LOXL1: variants seen among roughly 807,000 people sequenced by gnomAD.
LOXL1 encodes lysyl oxidase like 1, also known as lysyl oxidase homolog 1.
In LOXL1, 31 loss-of-function variants were observed where a neutral mutation model predicts 62.2. That is an observed-to-expected ratio of 0.50 (90% confidence interval 0.37 to 0.67). The LOEUF is 0.67. Among genes scored for constraint, LOXL1 ranks in the 30% least tolerant of loss-of-function variants. The pLI is 0.00. For synonymous variants in LOXL1, 403 were observed against 384.4 expected, an observed-to-expected ratio of 1.05 and a Z score of -0.56; for missense variants, 775 against 843.4, an observed-to-expected ratio of 0.92 and a Z score of 1.00.
chr15:73,941,052 G>A (rs921628868), intron 1 of LOXL1, among the ~76,000 whole-genome samples: 7 of 152,162 alleles, frequency 4.6e-5, no homozygotes, highest in Non-Finnish European at 7.4e-5. Flanking sequence ...CTGAGGGAAA[G>A]GCACTGGGTG....
intron 2 of LOXL1, among the ~76,000 whole-genome samples, chr15:73,944,857 C>G (rs182772606): frequency 6.6e-6 from 1 of 152,326 alleles, no homozygotes; most frequent in East Asian, 1.9e-4. Flanking sequence ...AGGCTGAGGG[C>G]CTTTCATCCT....
chr15:73,934,280 T>C (rs1343224411), intron 1 of LOXL1, among the ~76,000 whole-genome samples: 1 of 152,128 alleles, frequency 6.6e-6, no homozygotes, highest in African/African-American at 2.4e-5. Context: ...TTTTATGGAG[T>C]ATGGGCATTG....
At chr15:73,939,551 C>T (rs1364373843) in intron 1 of LOXL1, among the ~76,000 whole-genome samples, 1 of 152,176 alleles carries the variant, frequency 6.6e-6, no homozygotes, top group Non-Finnish European at 1.5e-5. Context: ...CTAGAAAAGG[C>T]ATAACTAATC....
In LOXL1 at chr15:73,926,514, T is replaced by C. The variant is rs1333105345; in HGVS notation, c.-270T>C. ...CGGCCAGCCAGTGCGGGGCTGGCCA[T>C]GTAAGGCCCACAGGCGGTCCTGCCC... On this transcript the variant is annotated 5_prime_UTR_variant, in exon 1 of 7. It removes an upstream start codon present in the reference 5' UTR. Coordinates refer to ENST00000261921, the MANE Select transcript of LOXL1 (RefSeq NM_005576.4). The C allele has an allele frequency of 5.5e-6, 2 of 360,618 alleles. No homozygotes were observed. Among genetic ancestry groups the C allele is most frequent in the Non-Finnish European group, 9.9e-6 (2 of 201,988 alleles). The allele number at this position is 360,618 out of a possible 1,614,324, so 22.3% of individuals were successfully genotyped here. A position where few individuals can be genotyped will look rare whatever the true frequency, so the allele number is the denominator to read the frequency against.
At position 73,927,760 on chromosome 15, in the gene LOXL1, C is replaced by A. The variant is rs1295083917; in HGVS notation, c.977C>A (p.Ala326Glu). 15 of 1,444,796 alleles carry A rather than the reference C, an allele frequency of 1.0e-5. No homozygotes were observed. The highest frequency in any genetic ancestry group is 1.3e-5 in the Non-Finnish European group (14 of 1,104,896). 89.5% of individuals were successfully genotyped at this position (1,444,796 alleles called of 1,614,324 possible). A position where few individuals can be genotyped will look rare whatever the true frequency, so the allele number is the denominator to read the frequency against. ...CCCGAGGCGTACGGGCCGCCGCGCG[C>A]GCTGGAGCCGCCCTACCTGCCGGTG... ...PPPEAYGPPRALEPPYLPVRS... is the reference protein window; with the variant it reads ...PPPEAYGPPRELEPPYLPVRS... Residue 326 changes from alanine (A) to glutamate (E), a missense_variant, in exon 1 of 7, where the codon GCG becomes GAG. Coordinates refer to ENST00000261921, the MANE Select transcript of LOXL1 (RefSeq NM_005576.4).
rs1441229721 is a variant in LOXL1, at chr15:73,926,993, G to A, written c.210G>A (p.Glu70=). 6.7e-7 allele frequency: 1 copy of A among 1,486,350 alleles called. No individual in the cohort carries two copies. Among genetic ancestry groups the A allele is most frequent in the Non-Finnish European group, 9.0e-7 (1 of 1,111,960 alleles). 92.1% of individuals were successfully genotyped at this position (1,486,350 alleles called of 1,614,324 possible). A position where few individuals can be genotyped will look rare whatever the true frequency, so the allele number is the denominator to read the frequency against. Residue 70 remains glutamate (E), a synonymous_variant, in exon 1 of 7, where the codon GAG becomes GAA. Transcript: ENST00000261921. ...TGCCGGCCGGACCTCAGCGCTCCGA[G>A]AGTAGCTCCCGGGTGCTGCTGGCCG... ...EYVPAGPQRS[E]SSSRVLLAGA...
At chr15:73,935,898 G>C (rs2068667417) in intron 1 of LOXL1, among the ~76,000 whole-genome samples, 1 of 151,586 alleles carries the variant, frequency 6.6e-6, no homozygotes, top group Non-Finnish European at 1.5e-5. Context: ...GTGGGCTTTG[G>C]AGCTAAAGAC....
intron 2 of LOXL1, among the ~76,000 whole-genome samples, chr15:73,944,178 T>C (rs1207015010): frequency 6.6e-6 from 1 of 152,176 alleles, no homozygotes; most frequent in East Asian, 1.9e-4. Context: ...TCAGTTGTCT[T>C]GGGGAAGAGA....
chr15:73,948,311 A>G (rs1346672994), intron 5 of LOXL1, among the ~76,000 whole-genome samples: 1 of 152,198 alleles, frequency 6.6e-6, no homozygotes, highest in Admixed American at 6.5e-5. Flanking sequence ...TGCAAAGCCA[A>G]GGGCTCCTGT....
chr15:73,931,844 C>G (rs139844505), intron 1 of LOXL1, among the ~76,000 whole-genome samples: 3 of 152,302 alleles, frequency 2.0e-5, no homozygotes, highest in African/African-American at 7.2e-5. Flanking sequence ...CAGGCTTCAC[C>G]CAACAAGCTT....
intron 1 of LOXL1, among the ~76,000 whole-genome samples, chr15:73,938,427 A>G (rs1317240140): frequency 7.1e-6 from 1 of 141,822 alleles, no homozygotes; most frequent in Non-Finnish European, 1.6e-5. Context: ...AAAAGTTTAC[A>G]TGGACTGGGC....
intron 1 of LOXL1, among the ~76,000 whole-genome samples, chr15:73,932,309 G>A (rs1210746717): frequency 1.3e-5 from 2 of 152,168 alleles, no homozygotes; most frequent in African/African-American, 2.4e-5. Flanking sequence ...ATGTGGTGAC[G>A]AGCTCACTTG....
Position 73,927,728 on chromosome 15 carries a change from C to CCCGCCGCCCGAGGCGTACGGG in LOXL1, c.953_973dup (p.Pro318_Pro324dup). 7 of 1,463,622 alleles carry CCCGCCGCCCGAGGCGTACGGG rather than the reference C, an allele frequency of 4.8e-6. No homozygotes were observed. The highest frequency in any genetic ancestry group is 6.3e-6 in the Non-Finnish European group (7 of 1,114,362). 90.7% of individuals were successfully genotyped at this position (1,463,622 alleles called of 1,614,324 possible). A position where few individuals can be genotyped will look rare whatever the true frequency, so the allele number is the denominator to read the frequency against. ...TGGGCTGGTACCCGCCCTACGCCAA[C>CCCGCCGCCCGAGGCGTACGGG]CCGCCGCCCGAGGCGTACGGGCCGC... On this transcript the variant is annotated inframe_insertion, in exon 1 of 7. Transcript: ENST00000261921.
Position 73,947,749 on chromosome 15 carries a change from G to T in LOXL1, c.1507-58G>T, listed in dbSNP as rs529007161. On this transcript the variant is annotated intron_variant, in intron 4 of 6. Coordinates refer to ENST00000261921, the MANE Select transcript of LOXL1 (RefSeq NM_005576.4). ...GGGCCAGAAACTCCTGAAGGTGGGC[G>T]TGGGGTGGCTCTGGGAAACAAGCAG... is the stretch of plus-strand genomic sequence containing the variant. The T allele has an allele frequency of 1.6e-4, 194 of 1,223,006 alleles. No homozygotes were observed. In the African/African-American group the frequency reaches 2.5e-3, roughly 16 times the overall value. The allele number at this position is 1,223,006 out of a possible 1,614,324, so 75.8% of individuals were successfully genotyped here.
intron 1 of LOXL1, among the ~76,000 whole-genome samples, chr15:73,933,669 C>T (rs1204586815): frequency 6.6e-6 from 1 of 152,288 alleles, no homozygotes; most frequent in African/African-American, 2.4e-5. Context: ...TGAGTCCATT[C>T]TACCTCCTTT....
intron 2 of LOXL1, 63 bp from the exon 3 acceptor site, chr15:73,946,354 C>T: frequency 8.0e-7 from 1 of 1,244,740 alleles, no homozygotes; most frequent in South Asian, 1.2e-5. Flanking sequence ...CTGAGGGGGC[C>T]CATGCTGGGT....
intron 1 of LOXL1, among the ~76,000 whole-genome samples, chr15:73,937,145 G>A (rs556123353): frequency 1.1e-4 from 17 of 152,318 alleles, no homozygotes; most frequent in Admixed American, 9.1e-4. Context: ...CGGTTCCCGA[G>A]GGCGGGCACG....
At position 73,947,946 on chromosome 15, in the gene LOXL1, T is replaced by C. The variant is rs566844012; in HGVS notation, c.1602+44T>C. ...GGCTTTCCCTCCAACCTGATGTTCA[T>C]GTCCAATGTCCCCCCGTTCCTGAAA... On this transcript the variant is annotated intron_variant, in intron 5 of 6. Transcript: ENST00000261921. 3.5e-5 allele frequency: 49 copies of C among 1,411,374 alleles called. No individual in the cohort carries two copies. The South Asian group carries it at 4.5e-4, about 13-fold the overall frequency. 87.4% of individuals were successfully genotyped at this position (1,411,374 alleles called of 1,614,324 possible).
chr15:73,946,240 G>T, intron 2 of LOXL1, 177 bp from the exon 3 acceptor site: 1 of 589,146 alleles, frequency 1.7e-6, no homozygotes, highest in Non-Finnish European at 3.0e-6. Flanking sequence ...AGAAGACAGA[G>T]GAAGAGGCCT....
Sources: gnomAD v4.1 joint callset for allele counts (sites outside exome capture counted in the v4.1 genomes callset) on GRCh38, gnomAD v4.1.1 for gene constraint, MANE v1.5 for transcripts, NCBI Gene and HGNC (gene_info 2026-07-23, HGNC 2026-07-21) for gene names.